Variants in NEK4 observed in about 807,000 individuals in gnomAD.
NEK4 encodes the protein NIMA related kinase 4, also known as serine/threonine-protein kinase Nek4.
A neutral mutation model predicts 98.4 loss-of-function variants in NEK4; 86 were observed. The observed-to-expected ratio is 0.87, with a 90% confidence interval of 0.73 to 1.05. NEK4 has a LOEUF of 1.05. Ranked by LOEUF, NEK4 falls within the 50% of genes least tolerant of loss-of-function variation. The pLI, the probability that NEK4 is intolerant of heterozygous loss-of-function variation, is 0.00. For synonymous variants in NEK4, 328 were observed against 342.2 expected (o/e 0.96, Z 0.46); for missense variants, 898 against 950.3 (o/e 0.94, Z 0.72).
At chr3:52,754,852 T>A (rs1179011227) in intron 6 of NEK4, among the ~76,000 whole-genome samples, 2 of 151,934 alleles carry the variant, frequency 1.3e-5, no homozygotes, top group Non-Finnish European at 2.9e-5. Context: ...GATGGGCGGA[T>A]CACGAGGTCA....
At chr3:52,747,601 G>T (rs2097398459) in intron 8 of NEK4, 1 of 152,126 alleles carries the variant, frequency 6.6e-6, no homozygotes, top group Admixed American at 6.6e-5. Flanking sequence ...GAAGTCTTTT[G>T]AACATCCAAA....
At chr3:52,717,914 C>T (rs1201096656) in intron 15 of NEK4, among the ~76,000 whole-genome samples, 3 of 151,960 alleles carry the variant, frequency 2.0e-5, no homozygotes, top group African/African-American at 7.2e-5. Flanking sequence ...ATGCCTCAGC[C>T]TCCCGAGTAG....
At chr3:52,748,383 AT>A (rs1234068943) in intron 8 of NEK4, among the ~76,000 whole-genome samples, 1 of 151,982 alleles carries the variant, frequency 6.6e-6, no homozygotes, top group Non-Finnish European at 1.5e-5. Context: ...AAATGTTCTG[AT>A]TTTTTTCTCT....
intron 6 of NEK4, among the ~76,000 whole-genome samples, chr3:52,757,449 T>A (rs1459966868): frequency 6.6e-6 from 1 of 151,940 alleles, no homozygotes; most frequent in African/African-American, 2.4e-5. Flanking sequence ...TCCCAGCTAC[T>A]TGGGAGGCTG....
intron 15 of NEK4, among the ~76,000 whole-genome samples, chr3:52,719,904 A>G (rs560279625): frequency 1.3e-5 from 2 of 152,308 alleles, no homozygotes; most frequent in African/African-American, 4.8e-5. Context: ...GCTAAAATGA[A>G]AAATGAACAG....
intron 6 of NEK4, among the ~76,000 whole-genome samples, chr3:52,758,668 TTAAC>T (rs1476493531): frequency 4.0e-5 from 6 of 151,722 alleles, no homozygotes; most frequent in Non-Finnish European, 8.8e-5. Context: ...AAAAAAAATT[TTAAC>T]TAAAAAAGGA....
chr3:52,740,201 G>T (rs1265918589), intron 13 of NEK4, among the ~76,000 whole-genome samples: 2 of 152,134 alleles, frequency 1.3e-5, no homozygotes, highest in African/African-American at 4.8e-5. Context: ...TCATACATTT[G>T]TGAAGAGAAA....
intron 1 of NEK4, among the ~76,000 whole-genome samples, chr3:52,770,425 A>C (rs1329561140): frequency 1.3e-5 from 2 of 151,290 alleles, no homozygotes; most frequent in Non-Finnish European, 2.9e-5. Flanking sequence ...ATTGTAATTA[A>C]AGAAAATGAA....
intron 15 of NEK4, among the ~76,000 whole-genome samples, chr3:52,728,097 G>C (rs1235717905): frequency 1.3e-5 from 2 of 152,166 alleles, no homozygotes; most frequent in Admixed American, 6.5e-5. Context: ...AAGGTGCCAG[G>C]CATGGTAGCT....
intron 12 of NEK4, 143 bp downstream of exon 12, chr3:52,743,209 G>C: frequency 1.5e-6 from 1 of 666,504 alleles, no homozygotes; most frequent in East Asian, 2.5e-5. Flanking sequence ...TTATTTACCA[G>C]TTCCTTTCTT....
Position 52,768,483 on chromosome 3 carries a change from C to T in NEK4, c.215G>A (p.Trp72Ter). ...HPNIVTYKES[W>*]EGGDGLLYIV... The stretch of plus-strand genomic sequence containing the variant: ...GTAGAGCAGACCATCTCCTCCTTCC[C>T]ATGACTCCTTGTAGGTGACAATGTT... Residue 72 changes from tryptophan (W) to a stop codon, truncating the protein, a stop_gained, in exon 2 of 16, where the codon TGG (tryptophan) becomes TAG (stop). Coordinates refer to ENST00000233027, the MANE Select transcript of NEK4 (RefSeq NM_003157.6). LOFTEE classifies it high-confidence loss of function. The T allele has an allele frequency of 6.2e-7, 1 of 1,614,212 alleles. No individual in the cohort carries two copies. The highest frequency in any genetic ancestry group is 8.5e-7 in the Non-Finnish European group (1 of 1,180,028).
chr3:52,763,433 C>T, intron 5 of NEK4, 37 bp downstream of exon 5: 1 of 1,576,368 alleles, frequency 6.3e-7, no homozygotes, highest in Non-Finnish European at 8.6e-7. Context: ...TTCACCCCAT[C>T]TATTTAGCCC....
chr3:52,735,282 T>C (rs2097374388), intron 15 of NEK4, among the ~76,000 whole-genome samples: 1 of 152,274 alleles, frequency 6.6e-6, no homozygotes, highest in South Asian at 2.1e-4. Context: ...TTTTAAAACA[T>C]TTGTTAGAGC....
At chr3:52,721,225 G>A (rs368165090) in intron 15 of NEK4, among the ~76,000 whole-genome samples, 57 of 152,336 alleles carry the variant, frequency 3.7e-4, no homozygotes, top group African/African-American at 1.3e-3. Context: ...AGGGATCTCT[G>A]TACTGATAGC....
At chr3:52,743,127 G>C (rs2097389583) in intron 12 of NEK4, 1 of 442,578 alleles carries the variant, frequency 2.3e-6, no homozygotes, top group African/African-American at 2.0e-5. Flanking sequence ...TTTTTAATTA[G>C]GCTATCAATT....
intron 15 of NEK4, among the ~76,000 whole-genome samples, chr3:52,723,178 T>G (rs543720282): frequency 1.3e-5 from 2 of 151,896 alleles, no homozygotes; most frequent in African/African-American, 2.4e-5. Context: ...GCACTCCAGA[T>G]AGAATGAGAC....
In NEK4 at chr3:52,752,091, A is replaced by T. The variant is rs2097406180; in HGVS notation, c.1209T>A (p.Ile403=). 1 of 1,614,234 alleles carries T rather than the reference A, an allele frequency of 6.2e-7. No individual in the cohort carries two copies. The change falls in exon 7 of 16, where the codon ATT becomes ATA. Residue 403 remains isoleucine, a synonymous_variant. Transcript: ENST00000233027. ...ASNELGGICS[I]SQVEEEMLQD... The stretch of plus-strand genomic sequence containing the variant: ...GCAGCATCTCCTCTTCCACTTGAGA[A>T]ATACTGCATATACCTCCTAACTCAT...
Position 52,746,728 on chromosome 3 carries a change from A to C in NEK4, c.1677+6T>G, listed in dbSNP as rs1303006235. 1 of 1,593,038 alleles carries C rather than the reference A, an allele frequency of 6.3e-7. No individual in the cohort carries two copies. Among genetic ancestry groups the C allele is most frequent in the Non-Finnish European group, 8.6e-7 (1 of 1,168,696 alleles). On this transcript the variant is annotated splice_donor_region_variant and intron_variant, in intron 9 of 15. Coordinates refer to ENST00000233027, the MANE Select transcript of NEK4 (RefSeq NM_003157.6). ...CCACCTCCCAAACCAAAGCAAAATG[A>C]CTTACAGCAAAGAGATCTCTGCGGA... is the stretch of plus-strand genomic sequence containing the variant.
In NEK4 at chr3:52,766,377, T is replaced by C; in HGVS notation, c.361-2A>G. On this transcript the variant is annotated splice_acceptor_variant, in intron 2 of 15. Transcript: ENST00000233027. LOFTEE classifies it high-confidence loss of function. ...AAGGATGTGTTTTTCATGTAAATACTGAGGAAAGAAACAAGATTTTATTAC... is the reference window on the plus strand; with the variant it reads ...AAGGATGTGTTTTTCATGTAAATACCGAGGAAAGAAACAAGATTTTATTAC... 1 of 1,606,148 alleles carries C rather than the reference T, an allele frequency of 6.2e-7. No individual in the cohort carries two copies. Among genetic ancestry groups the C allele is most frequent in the Non-Finnish European group, 8.5e-7 (1 of 1,172,920 alleles).
Sources: allele counts gnomAD v4.1 joint callset (sites outside exome capture counted in the v4.1 genomes callset), GRCh38; gene constraint gnomAD v4.1.1; transcripts MANE v1.5; gene names NCBI Gene and HGNC (gene_info 2026-07-23, HGNC 2026-07-21).